Variants in TEK observed in about 807,000 individuals in gnomAD.
TEK encodes angiopoietin-1 receptor.
Under a neutral mutation model 131.8 loss-of-function variants are expected in TEK, and 43 were observed. The ratio of observed to expected loss-of-function variants is 0.33; its 90% CI spans 0.26 to 0.42. TEK has a LOEUF of 0.42. Ranked by LOEUF, TEK falls within the 10% of genes least tolerant of loss-of-function variation. The probability of loss-of-function intolerance (pLI) is 1.00; values close to 1 mark genes in which losing one functional copy is unlikely to be tolerated. For synonymous variants in TEK, 580 were observed against 491.6 expected, an observed-to-expected ratio of 1.18 and a Z score of -2.38; for missense variants, 1,162 against 1,384.4, an observed-to-expected ratio of 0.84 and a Z score of 2.55.
At chr9:27,204,567 A>T (rs1425633739) in intron 13 of TEK, among the ~76,000 whole-genome samples, 1 of 152,194 alleles carries the variant, frequency 6.6e-6, no homozygotes, top group Non-Finnish European at 1.5e-5. Context: ...TCTCAAAGTT[A>T]TACCTGTAGT....
chr9:27,176,892 A>G (rs948720000), intron 6 of TEK, among the ~76,000 whole-genome samples: 3 of 152,180 alleles, frequency 2.0e-5, no homozygotes, highest in African/African-American at 4.8e-5. Flanking sequence ...CTCTGCTTCT[A>G]TAAGTTTGAC....
At chr9:27,152,579 TC>T (rs1383522541) in intron 1 of TEK, among the ~76,000 whole-genome samples, 2 of 146,896 alleles carry the variant, frequency 1.4e-5, no homozygotes, top group Non-Finnish European at 3.0e-5. Context: ...TCAAATAAAA[TC>T]TTATATGAAG....
intron 4 of TEK, among the ~76,000 whole-genome samples, chr9:27,170,065 C>G (rs1823892205): frequency 6.6e-6 from 1 of 152,138 alleles, no homozygotes; most frequent in Non-Finnish European, 1.5e-5. Context: ...AGGAAGCAAA[C>G]ACATCCTTCT....
At chr9:27,226,624 G>C (rs1197101872) in intron 21 of TEK, among the ~76,000 whole-genome samples, 1 of 152,128 alleles carries the variant, frequency 6.6e-6, no homozygotes, top group African/African-American at 2.4e-5. Context: ...ACCTAATGTA[G>C]ATGACAGGTT....
intron 16 of TEK, among the ~76,000 whole-genome samples, chr9:27,209,914 C>T (rs992143874): frequency 2.0e-5 from 3 of 152,196 alleles, no homozygotes; most frequent in African/African-American, 7.2e-5. Context: ...CCTCTGCATG[C>T]AGCATGGCCT....
At chr9:27,109,999 T>C (rs1587463616) in intron 1 of TEK, among the ~76,000 whole-genome samples, 1 of 151,560 alleles carries the variant, frequency 6.6e-6, no homozygotes, top group East Asian at 1.9e-4. Flanking sequence ...AACAAACCGG[T>C]TTTACCTGCT....
chr9:27,126,684 C>T (rs1822002314), intron 1 of TEK, among the ~76,000 whole-genome samples: 2 of 152,180 alleles, frequency 1.3e-5, no homozygotes, highest in Admixed American at 6.5e-5. Context: ...ATCAATCAGG[C>T]TCCACTAACT....
chr9:27,163,170 G>A (rs1823607275), intron 2 of TEK, among the ~76,000 whole-genome samples: 1 of 152,158 alleles, frequency 6.6e-6, no homozygotes, highest in African/African-American at 2.4e-5. Context: ...AATAGATGAG[G>A]CTTGGCTATT....
At chr9:27,130,442 T>C (rs1822165061) in intron 1 of TEK, among the ~76,000 whole-genome samples, 1 of 152,060 alleles carries the variant, frequency 6.6e-6, no homozygotes, top group Non-Finnish European at 1.5e-5. Flanking sequence ...GAAATGAATA[T>C]ATATTGAATT....
intron 13 of TEK, among the ~76,000 whole-genome samples, chr9:27,203,457 T>C (rs1176337677): frequency 1.3e-5 from 2 of 152,026 alleles, no homozygotes; most frequent in East Asian, 1.9e-4. Flanking sequence ...AGTAGGAGGC[T>C]CCAAGAACCA....
At chr9:27,217,503 T>G (rs1825859929) in intron 18 of TEK, among the ~76,000 whole-genome samples, 185 bp from the exon 19 acceptor site, 1 of 96,498 alleles carries the variant, frequency 1.0e-5, no homozygotes, top group African/African-American at 4.6e-5. Context: ...CCCCGAAAGA[T>G]AAATAGGACT....
In TEK at chr9:27,170,843, A is replaced by G. The variant is rs1431621150; in HGVS notation, c.628+1214A>G. Among the ~76,000 whole-genome samples the G allele has an allele frequency of 3.9e-5, 6 of 152,328 alleles. No homozygotes were observed. In the East Asian group the frequency reaches 9.6e-4, roughly 24 times the overall value. On this transcript the variant is annotated intron_variant, in intron 4 of 22. Transcript: ENST00000380036. ...GTCTATCAGCCTAGACCAGTGAGCT[A>G]TAGACAAGGGTGGAGTCACGTACTA...
rs748930375 is a variant in TEK, at chr9:27,228,268, T to C, written c.3263T>C (p.Ile1088Thr). Residue 1088 changes from isoleucine (I) to threonine (T), a missense_variant, in exon 22 of 23, where the codon ATA (isoleucine) becomes ACA (threonine). By Grantham distance (89) the Ile-to-Thr change is moderately conservative. This residue lies in a region of TEK where 84 missense variants were observed against 80.3 expected (regional missense o/e 1.05). Coordinates refer to ENST00000380036, the MANE Select transcript of TEK (RefSeq NM_000459.5). ...TATGAGAGGCCATCATTTGCCCAGATATTGGTGTCCTTAAACAGAATGTTA... is the reference window on the plus strand; with the variant it reads ...TATGAGAGGCCATCATTTGCCCAGACATTGGTGTCCTTAAACAGAATGTTA... ...KPYERPSFAQ[I>T]LVSLNRMLEE... 1.9e-6 allele frequency: 3 copies of C among 1,612,906 alleles called. No individual in the cohort carries two copies. In the Admixed American group the frequency reaches 5.0e-5, roughly 27 times the overall value.
rs116607605 is a variant in TEK, at chr9:27,119,377, A to C, written c.52+9735A>C. Among the ~76,000 whole-genome samples, 3 of 152,338 alleles carry C rather than the reference A, an allele frequency of 2.0e-5. No homozygotes were observed. In the South Asian group the frequency reaches 6.2e-4, roughly 32 times the overall value. ...TGCCGGCTCATAGTTAGCACTCGAT[A>C]AAAATCAGATGTTATTAAGATTTGG... On this transcript the variant is annotated intron_variant, in intron 1 of 22. Transcript: ENST00000380036.
Position 27,217,570 on chromosome 9 carries a change from C to G in TEK, c.2992-118C>G, listed in dbSNP as rs568394693. 41 of 863,982 alleles carry G rather than the reference C, an allele frequency of 4.7e-5. No homozygotes were observed. The African/African-American group carries it at 6.8e-4, about 14-fold the overall frequency. 53.5% of individuals were successfully genotyped at this position (863,982 alleles called of 1,614,324 possible). A position where few individuals can be genotyped will look rare whatever the true frequency, so the allele number is the denominator to read the frequency against. On this transcript the variant is annotated intron_variant, in intron 18 of 22. Transcript: ENST00000380036. ...AAAACACATGTAGCTGGGACATACACAAAGCAATGATTTCTGAGTCTACCC... is the reference window on the plus strand; with the variant it reads ...AAAACACATGTAGCTGGGACATACAGAAAGCAATGATTTCTGAGTCTACCC...
chr9:27,179,301 T>G (rs567715181), intron 6 of TEK, among the ~76,000 whole-genome samples: 1 of 152,308 alleles, frequency 6.6e-6, no homozygotes, highest in African/African-American at 2.4e-5. Flanking sequence ...TTTTGCTTTT[T>G]AAAAATAGTT....
At position 27,109,481 on chromosome 9, in the gene TEK, A is replaced by G. The variant is rs1821246406; in HGVS notation, c.-110A>G. The G allele has an allele frequency of 9.1e-7, 1 of 1,100,962 alleles. No homozygotes were observed. The highest frequency in any genetic ancestry group is 1.2e-5 in the South Asian group (1 of 80,450). 68.2% of individuals were successfully genotyped at this position (1,100,962 alleles called of 1,614,324 possible). A position where few individuals can be genotyped will look rare whatever the true frequency, so the allele number is the denominator to read the frequency against. On this transcript the variant is annotated 5_prime_UTR_variant, in exon 1 of 23. Transcript: ENST00000380036. ...CCTTCTTGCCTCTAACTTGTAAACA[A>G]GACGTAGTAGGACGATGCTAATGGA...
intron 7 of TEK, among the ~76,000 whole-genome samples, chr9:27,183,106 A>G (rs1824452467): frequency 1.3e-5 from 2 of 152,196 alleles, no homozygotes. Flanking sequence ...AAAAAGAAAG[A>G]GGGGGATTGA....
chr9:27,127,391 T>A (rs1435118533), intron 1 of TEK, among the ~76,000 whole-genome samples: 3 of 152,234 alleles, frequency 2.0e-5, no homozygotes, highest in Non-Finnish European at 2.9e-5. Flanking sequence ...GGCTTTTGGG[T>A]TGGTTCCAAG....
Sources: allele counts gnomAD v4.1 joint callset (sites outside exome capture counted in the v4.1 genomes callset), GRCh38; gene constraint gnomAD v4.1.1; regional missense constraint gnomAD v4.1.1; transcripts MANE v1.5; gene names NCBI Gene and HGNC (gene_info 2026-07-23, HGNC 2026-07-21).